Variants in RANBP2 observed in about 807,000 individuals in gnomAD.
RANBP2 encodes E3 SUMO-protein ligase RanBP2.
In RANBP2, 57 loss-of-function variants were observed where a neutral mutation model predicts 303.6. That is an observed-to-expected ratio of 0.19 (90% confidence interval 0.15 to 0.23). RANBP2 has a LOEUF of 0.23. RANBP2 is among the 10% of genes least tolerant of loss of function. The pLI is 1.00. For synonymous variants in RANBP2, 1,167 were observed against 1,301.5 expected (o/e 0.90, Z 2.23); for missense variants, 3,138 against 3,780.8 (o/e 0.83, Z 4.46).
the RANBP2 span, chr2:109,614,702 C>CAA: frequency 1.3e-6 from 2 of 1,488,656 alleles, no homozygotes; most frequent in South Asian, 2.5e-5. Context: ...TCGATCCCGC[C>CAA]GACGGCGCCA....
At chr2:109,569,990 TAAGTG>T in the RANBP2 span, among the ~76,000 whole-genome samples, 2 of 151,836 alleles carry the variant, frequency 1.3e-5, no homozygotes, top group African/African-American at 4.8e-5. Context: ...TGCCCTTGTG[TAAGTG>T]AAAATTTCCC....
chr2:109,565,912 A>G, the RANBP2 span: 23 of 1,426,108 alleles, frequency 1.6e-5, no homozygotes, highest in Non-Finnish European at 2.3e-5. Context: ...AACTGACTAG[A>G]TAAAATAAAT....
the RANBP2 span, among the ~76,000 whole-genome samples, chr2:108,843,869 TG>T: frequency 0.66 from 88,549 of 134,278 alleles, 34,383 homozygotes; most frequent in East Asian, 0.85. Flanking sequence ...TGTGTGTGTG[TG>T]TGTGTGTGTT....
the RANBP2 span, among the ~76,000 whole-genome samples, chr2:109,037,644 C>A: frequency 6.6e-6 from 1 of 152,100 alleles, no homozygotes; most frequent in Non-Finnish European, 1.5e-5. Context: ...AAATAAATGT[C>A]ATTTCTATAT....
chr2:109,579,020 T>A, the RANBP2 span, among the ~76,000 whole-genome samples: 1 of 152,000 alleles, frequency 6.6e-6, no homozygotes, highest in Non-Finnish European at 1.5e-5. Flanking sequence ...ATTAAATAAA[T>A]TGACAACACT....
the RANBP2 span, among the ~76,000 whole-genome samples, chr2:109,329,745 G>A: frequency 4.7e-3 from 717 of 152,326 alleles, 4 homozygotes; most frequent in African/African-American, 0.016. Context: ...GCAGGAGTGT[G>A]ACACAAAGGA....
In RANBP2 at chr2:108,766,328, A is replaced by G. The variant is rs2943894; in HGVS notation, c.5789A>G (p.Gln1930Arg). The G allele has an allele frequency of 7.6e-5, 123 of 1,611,930 alleles. No homozygotes were observed. The highest frequency in any genetic ancestry group is 9.8e-5 in the Non-Finnish European group (116 of 1,179,864). ...TTCCAGGCTCAGGATATTAGTGGCC[A>G]GAAGAATGGCCGTGGTGTGATTTTT... ...TGFQAQDISG[Q>R]KNGRGVIFGQ... The change falls in exon 20 of 29, where the codon CAG (glutamine) becomes CGG (arginine). Residue 1930 changes from glutamine (Q) to arginine (R), a missense_variant. Physicochemically the swap from Gln to Arg is conservative, Grantham distance 43. Transcript: ENST00000283195.
the RANBP2 span, among the ~76,000 whole-genome samples, chr2:109,727,896 C>T: frequency 6.6e-6 from 1 of 152,144 alleles, no homozygotes; most frequent in Admixed American, 6.5e-5. Flanking sequence ...TATGTCCCAG[C>T]CCACATGCTC....
the RANBP2 span, among the ~76,000 whole-genome samples, chr2:109,303,124 C>A: frequency 2.0e-5 from 3 of 152,338 alleles, no homozygotes; most frequent in African/African-American, 7.2e-5. Flanking sequence ...GATCCGTCCG[C>A]CTCAGCCTCA....
chr2:109,127,277 G>T, the RANBP2 span: 1 of 152,022 alleles, frequency 6.6e-6, no homozygotes, highest in Non-Finnish European at 1.5e-5. Context: ...ACCAGTAGGT[G>T]ATGAGAGAGA....
chr2:109,522,603 C>CTTTTTTT, the RANBP2 span, among the ~76,000 whole-genome samples: 13 of 149,742 alleles, frequency 8.7e-5, no homozygotes, highest in African/African-American at 3.0e-4. Context: ...CGTGCCCAGC[C>CTTTTTTT]TTTTTTTTTC....
At chr2:109,399,687 TG>T in the RANBP2 span, among the ~76,000 whole-genome samples, 12 of 152,256 alleles carry the variant, frequency 7.9e-5, no homozygotes, top group African/African-American at 2.7e-4. Context: ...AGTAAGTACT[TG>T]CCTGTAGCTC....
the RANBP2 span, among the ~76,000 whole-genome samples, chr2:108,964,296 C>T: frequency 6.6e-6 from 1 of 152,118 alleles, no homozygotes; most frequent in East Asian, 1.9e-4. Context: ...GTGACCTGTG[C>T]TACAGCCAGA....
the RANBP2 span, among the ~76,000 whole-genome samples, chr2:108,954,320 A>G: frequency 6.6e-6 from 1 of 152,154 alleles, no homozygotes; most frequent in Non-Finnish European, 1.5e-5. Flanking sequence ...ATGGGCTGCC[A>G]TTTTCCCATC....
the RANBP2 span, among the ~76,000 whole-genome samples, chr2:109,228,753 A>G: frequency 6.6e-6 from 1 of 152,262 alleles, no homozygotes; most frequent in Non-Finnish European, 1.5e-5. Context: ...TCCTGAGCAC[A>G]GGGGCTTCCG....
the RANBP2 span, among the ~76,000 whole-genome samples, chr2:109,591,945 TG>T: frequency 6.6e-6 from 1 of 152,188 alleles, no homozygotes; most frequent in African/African-American, 2.4e-5. Flanking sequence ...TACCTATGTT[TG>T]TATTTGTAAT....
chr2:108,839,048 A>C, the RANBP2 span: 1 of 905,418 alleles, frequency 1.1e-6, no homozygotes, highest in Admixed American at 3.2e-5. Flanking sequence ...ATATAGTTTT[A>C]AAGTGAAGGT....
the RANBP2 span, among the ~76,000 whole-genome samples, chr2:109,639,113 C>T: frequency 1.3e-5 from 2 of 152,150 alleles, no homozygotes; most frequent in African/African-American, 4.8e-5. Flanking sequence ...GTTTCATCTC[C>T]AGCACCTACT....
the RANBP2 span, among the ~76,000 whole-genome samples, chr2:109,155,155 G>A: frequency 6.6e-6 from 1 of 152,202 alleles, no homozygotes; most frequent in Non-Finnish European, 1.5e-5. Context: ...ATGTTCGGTG[G>A]TGTTCGGCAT....
Sources: gnomAD v4.1 joint callset for allele counts (sites outside exome capture counted in the v4.1 genomes callset) on GRCh38, gnomAD v4.1.1 for gene constraint, MANE v1.5 for transcripts, NCBI Gene and HGNC (gene_info 2026-07-23, HGNC 2026-07-21) for gene names.